The following PRELID2 variants were observed in gnomAD, a reference collection of about 807,000 sequenced individuals.
PRELID2 encodes PRELI domain-containing protein 2.
A neutral mutation model predicts 28.4 loss-of-function variants in PRELID2; 25 were observed. That is an observed-to-expected ratio of 0.88 (90% CI 0.64 to 1.23). PRELID2 has a LOEUF of 1.23. Ranked by LOEUF, PRELID2 falls within the 50% of genes most tolerant of loss-of-function variation. PRELID2 has a pLI of 0.00. For missense variants in PRELID2, 201 were observed against 214.4 expected (o/e 0.94, Z 0.39); for synonymous variants, 76 against 71.6 (o/e 1.06, Z -0.31).
intron 1 of PRELID2, among the ~76,000 whole-genome samples, chr5:145,664,121 A>G (rs1456056045): frequency 1.3e-5 from 2 of 152,182 alleles, no homozygotes; most frequent in Non-Finnish European, 2.9e-5. Context: ...AATGTAAATA[A>G]GTCATATAGA....
the PRELID2 span, among the ~76,000 whole-genome samples, chr5:145,252,003 A>T: frequency 6.6e-6 from 1 of 152,124 alleles, no homozygotes. Context: ...ACTCTCAGCT[A>T]ACCAATTAAC....
the PRELID2 span, among the ~76,000 whole-genome samples, chr5:145,256,186 A>G: frequency 6.6e-6 from 1 of 151,930 alleles, no homozygotes; most frequent in Non-Finnish European, 1.5e-5. Context: ...TAATGTTCCC[A>G]TTCTTTTGAC....
the PRELID2 span, among the ~76,000 whole-genome samples, chr5:145,350,134 G>A: frequency 6.6e-6 from 1 of 152,274 alleles, no homozygotes; most frequent in South Asian, 2.1e-4. Flanking sequence ...TTTGTCATCT[G>A]TAAAATGGAC....
At chr5:145,767,542 A>G (rs977116203) in intron 5 of PRELID2, among the ~76,000 whole-genome samples, 1 of 152,128 alleles carries the variant, frequency 6.6e-6, no homozygotes, top group African/African-American at 2.4e-5. Flanking sequence ...AGCACACTAT[A>G]ACACGCACTC....
chr5:145,350,517 G>A, the PRELID2 span, among the ~76,000 whole-genome samples: 1 of 152,108 alleles, frequency 6.6e-6, no homozygotes, highest in Non-Finnish European at 1.5e-5. Flanking sequence ...GTTGATTGAG[G>A]CCATTATGAA....
the PRELID2 span, among the ~76,000 whole-genome samples, chr5:145,413,788 C>G: frequency 3.5e-4 from 53 of 152,182 alleles, no homozygotes; most frequent in East Asian, 0.01. Flanking sequence ...TAAATGAGAT[C>G]ATGCAGTGTT....
At chr5:145,813,603 C>G (rs1754094091) in intron 4 of PRELID2, among the ~76,000 whole-genome samples, 1 of 152,174 alleles carries the variant, frequency 6.6e-6, no homozygotes, top group Non-Finnish European at 1.5e-5. Context: ...CGTATCTTGG[C>G]TTAGCAATCT....
the PRELID2 span, among the ~76,000 whole-genome samples, chr5:145,301,473 T>C: frequency 6.6e-6 from 1 of 152,186 alleles, no homozygotes; most frequent in African/African-American, 2.4e-5. Context: ...TTCATTTTCT[T>C]ACTGGTGTCT....
the PRELID2 span, among the ~76,000 whole-genome samples, chr5:145,413,245 A>G: frequency 6.6e-6 from 1 of 152,258 alleles, no homozygotes; most frequent in Non-Finnish European, 1.5e-5. Flanking sequence ...GCTCAACATC[A>G]CTAATGATCA....
intron 5 of PRELID2, among the ~76,000 whole-genome samples, chr5:145,772,195 CT>C (rs1048644570): frequency 1.5e-3 from 220 of 145,554 alleles, no homozygotes; most frequent in African/African-American, 3.1e-3. Context: ...CCCATCTCCC[CT>C]TTTTTTTTTT....
intron 1 of PRELID2, among the ~76,000 whole-genome samples, chr5:145,618,209 T>A (rs1439445812): frequency 1.3e-5 from 2 of 152,182 alleles, no homozygotes; most frequent in Non-Finnish European, 2.9e-5. Context: ...CTTGTTTGGA[T>A]CCACTGCTGG....
At chr5:145,334,437 C>T in the PRELID2 span, among the ~76,000 whole-genome samples, 1 of 152,070 alleles carries the variant, frequency 6.6e-6, no homozygotes, top group Admixed American at 6.6e-5. Context: ...ATTATTGTTG[C>T]TATAGTCTTT....
chr5:145,243,614 A>G, the PRELID2 span, among the ~76,000 whole-genome samples: 3 of 152,046 alleles, frequency 2.0e-5, no homozygotes, highest in Admixed American at 2.0e-4. Flanking sequence ...CCTCATCATT[A>G]TTCTCTTAAA....
chr5:145,302,653 T>C, the PRELID2 span, among the ~76,000 whole-genome samples: 4 of 151,944 alleles, frequency 2.6e-5, no homozygotes, highest in African/African-American at 9.7e-5. Context: ...TAAGAACATA[T>C]ATTAATATAT....
At chr5:145,694,981 G>C (rs986092704) in intron 1 of PRELID2, among the ~76,000 whole-genome samples, 1 of 152,142 alleles carries the variant, frequency 6.6e-6, no homozygotes, top group Non-Finnish European at 1.5e-5. Context: ...CCCCCACATA[G>C]TTATTGGACA....
At chr5:145,299,644 C>CGT in the PRELID2 span, among the ~76,000 whole-genome samples, 6,382 of 109,324 alleles carry the variant, frequency 0.058, 138 homozygotes, top group Non-Finnish European at 0.078. Flanking sequence ...TATGTGTGTG[C>CGT]GTGTGTGTGT....
the PRELID2 span, among the ~76,000 whole-genome samples, chr5:145,443,952 AT>A: frequency 6.6e-6 from 1 of 152,136 alleles, no homozygotes; most frequent in Non-Finnish European, 1.5e-5. Flanking sequence ...AGGAAACTGT[AT>A]TCAGGTAGCA....
At chr5:145,511,189 C>T (rs185969465) in intron 1 of PRELID2, among the ~76,000 whole-genome samples, 2 of 152,184 alleles carry the variant, frequency 1.3e-5, no homozygotes, top group Non-Finnish European at 2.9e-5. Context: ...ACACAGGAAG[C>T]TATTTTTTCA....
the PRELID2 span, among the ~76,000 whole-genome samples, chr5:145,399,978 G>T: frequency 2.0e-5 from 3 of 151,866 alleles, no homozygotes; most frequent in African/African-American, 7.3e-5. Flanking sequence ...ATAACACATA[G>T]GAATTCAAAA....
Sources: allele counts gnomAD v4.1 joint callset (sites outside exome capture counted in the v4.1 genomes callset), GRCh38; gene constraint gnomAD v4.1.1; transcripts MANE v1.5; gene names NCBI Gene and HGNC (gene_info 2026-07-23, HGNC 2026-07-21).